ZEB1: variants seen among roughly 807,000 people sequenced by gnomAD.
ZEB1 encodes the protein zinc finger E-box binding homeobox 1.
A neutral mutation model predicts 84.9 loss-of-function variants in ZEB1; 21 were observed. The ratio of observed to expected loss-of-function variants is 0.25; its 90% CI spans 0.18 to 0.36. The LOEUF (loss-of-function observed/expected upper bound fraction) is 0.36, where lower values mean the gene tolerates loss of function less well. Ranked by LOEUF, ZEB1 falls within the 10% of genes least tolerant of loss-of-function variation. ZEB1 has a pLI of 1.00. For missense variants in ZEB1, 1,104 were observed against 1,330.2 expected (o/e 0.83, Z 2.65); for synonymous variants, 420 against 471.1 (o/e 0.89, Z 1.41).
chr10:31,474,274 A>C (rs1336632106), intron 2 of ZEB1, among the ~76,000 whole-genome samples: 1 of 151,780 alleles, frequency 6.6e-6, no homozygotes, highest in Non-Finnish European at 1.5e-5. Flanking sequence ...TGAACAGGCA[A>C]CCTACAAAAT....
chr10:31,443,861 C>T (rs999937204), intron 1 of ZEB1, among the ~76,000 whole-genome samples: 12 of 151,072 alleles, frequency 7.9e-5, no homozygotes, highest in South Asian at 4.2e-4. Context: ...TGAATAGTGC[C>T]GCAATAAACA....
Position 31,505,996 on chromosome 10 carries a change from A to G in ZEB1, c.484+3487A>G, listed in dbSNP as rs2068911865. 3.9e-5 allele frequency among the ~76,000 whole-genome samples: 6 copies of G among 151,968 alleles called. No homozygotes were observed. In the South Asian group the frequency reaches 1.2e-3, roughly 31 times the overall value. On this transcript the variant is annotated intron_variant, in intron 4 of 8. Coordinates refer to ENST00000424869, the MANE Select transcript of ZEB1 (RefSeq NM_001174096.2). ...TTAATTTCATTTAAAGAAATTTTAA[A>G]TTTTCCTCCTTATTTCTTCCTTGAC...
At chr10:31,466,352 T>G (rs183094896) in intron 2 of ZEB1, among the ~76,000 whole-genome samples, 1 of 152,218 alleles carries the variant, frequency 6.6e-6, no homozygotes, top group Non-Finnish European at 1.5e-5. Flanking sequence ...CCAGGACAGA[T>G]TATTTGTTAG....
chr10:31,458,917 G>T (rs980005957), intron 1 of ZEB1, among the ~76,000 whole-genome samples: 2 of 152,094 alleles, frequency 1.3e-5, no homozygotes, highest in Non-Finnish European at 2.9e-5. Flanking sequence ...AATTATGATG[G>T]TGTTATGTCC....
At chr10:31,392,781 A>AT (rs1564697682) in intron 1 of ZEB1, among the ~76,000 whole-genome samples, 5 of 151,368 alleles carry the variant, frequency 3.3e-5, no homozygotes, top group African/African-American at 1.2e-4. Flanking sequence ...CATATATATA[A>AT]ATGTAAAATA....
In ZEB1 at chr10:31,521,202, G is replaced by A. The variant is rs1328886562; in HGVS notation, c.1870G>A (p.Asp624Asn). The A allele has an allele frequency of 6.2e-7, 1 of 1,614,054 alleles. No homozygotes were observed. Among genetic ancestry groups the A allele is most frequent in the South Asian group, 1.1e-5 (1 of 91,086 alleles). Reference sequence around the variant, plus strand: ...TGCTGATTCAGTAAACCTACCACTGGATGTAGTAAAAAAGTGGTTTGAAAA... The same window carrying A: ...TGCTGATTCAGTAAACCTACCACTGAATGTAGTAAAAAAGTGGTTTGAAAA... ...KIADSVNLPL[D>N]VVKKWFEKMQ... The change falls in exon 7 of 9, where the codon GAT becomes AAT. Residue 624 changes from aspartate to asparagine, a missense_variant. Physicochemically the swap from Asp to Asn is conservative, Grantham distance 23. Around this residue, in one of 7 missense-constraint regions of ZEB1, gnomAD observed 531 missense variants for 575.2 expected, o/e 0.92. Coordinates refer to ENST00000424869, the MANE Select transcript of ZEB1 (RefSeq NM_001174096.2).
chr10:31,484,151 C>T (rs901428197), intron 2 of ZEB1, among the ~76,000 whole-genome samples: 2 of 151,986 alleles, frequency 1.3e-5, no homozygotes, highest in African/African-American at 4.8e-5. Flanking sequence ...TCGTGATTAA[C>T]TGGCCCACCC....
At chr10:31,400,837 ATAAT>A (rs1372658776) in intron 1 of ZEB1, among the ~76,000 whole-genome samples, 11 of 152,228 alleles carry the variant, frequency 7.2e-5, no homozygotes, top group Admixed American at 2.6e-4. Context: ...AAGCTACCAA[ATAAT>A]TAGTTTCAAA....
intron 3 of ZEB1, among the ~76,000 whole-genome samples, chr10:31,500,143 AT>A (rs1189771615): frequency 6.6e-6 from 1 of 152,140 alleles, no homozygotes; most frequent in East Asian, 1.9e-4. Context: ...AATTTTAACT[AT>A]CTTAGCAACT....
chr10:31,504,691 T>G (rs551640633), intron 4 of ZEB1, among the ~76,000 whole-genome samples: 1 of 152,084 alleles, frequency 6.6e-6, no homozygotes, highest in Non-Finnish European at 1.5e-5. Flanking sequence ...AATTTATCCC[T>G]AGGTATTTTA....
chr10:31,480,877 T>TTATTACTGTTG (rs2138442627), intron 2 of ZEB1, among the ~76,000 whole-genome samples: 1 of 152,232 alleles, frequency 6.6e-6, no homozygotes, highest in South Asian at 2.1e-4. Context: ...CATAATAGTT[T>TTATTACTGTTG]TATTACTGTT....
chr10:31,438,964 A>T (rs1036142195), intron 1 of ZEB1, among the ~76,000 whole-genome samples: 1 of 152,250 alleles, frequency 6.6e-6, no homozygotes, highest in Non-Finnish European at 1.5e-5. Context: ...GCCACTAGCA[A>T]CATTATGCTG....
At chr10:31,343,387 TTC>T (rs2039740086) in intron 1 of ZEB1, among the ~76,000 whole-genome samples, 1 of 152,178 alleles carries the variant, frequency 6.6e-6, no homozygotes, top group African/African-American at 2.4e-5. Flanking sequence ...TCCTGAACGT[TTC>T]TCTTCAGAGA....
intron 1 of ZEB1, among the ~76,000 whole-genome samples, chr10:31,337,796 T>G (rs1172360521): frequency 2.0e-5 from 3 of 149,486 alleles, no homozygotes; most frequent in Non-Finnish European, 3.0e-5. Flanking sequence ...GCGATTCTCC[T>G]GCCTCAGCCT....
At chr10:31,460,651 G>T (rs1169759117) in intron 1 of ZEB1, among the ~76,000 whole-genome samples, 1 of 152,082 alleles carries the variant, frequency 6.6e-6, no homozygotes, top group Non-Finnish European at 1.5e-5. Flanking sequence ...TCCTGGCTCT[G>T]CCACTTCCTA....
At chr10:31,375,046 T>TACACACACACACACACACACACACACAC (rs146271736) in intron 1 of ZEB1, 1 of 132,314 alleles carries the variant, frequency 7.6e-6, no homozygotes, top group African/African-American at 2.7e-5. Context: ...ATGTTTTTCA[T>TACACACACACACACACACACACACACAC]ACACACACAC....
rs1175932450 is a variant in ZEB1, at chr10:31,529,410, C to T, written c.*2146C>T. The T allele has an allele frequency of 6.6e-6, 1 of 152,256 alleles. No homozygotes were observed. The highest frequency in any genetic ancestry group is 1.9e-4 in the East Asian group (1 of 5,202). The allele number at this position is 152,256 out of a possible 1,614,324, so 9.4% of individuals were successfully genotyped here. On this transcript the variant is annotated 3_prime_UTR_variant, in exon 9 of 9. Coordinates refer to ENST00000424869, the MANE Select transcript of ZEB1 (RefSeq NM_001174096.2). Reference sequence around the variant, plus strand: ...AAAACCTCTTCACAGGTTGCTCCTTCTTCCTGAAATCCTTAATCCTCCGCA... The same window carrying T: ...AAAACCTCTTCACAGGTTGCTCCTTTTTCCTGAAATCCTTAATCCTCCGCA...
chr10:31,387,191 G>C (rs1334299542), intron 1 of ZEB1: 3 of 985,870 alleles, frequency 3.0e-6, no homozygotes, highest in Non-Finnish European at 3.6e-6. Flanking sequence ...AAGATCTGCA[G>C]ATCTTTTTCA....
At chr10:31,504,468 T>G (rs1312886328) in intron 4 of ZEB1, among the ~76,000 whole-genome samples, 3 of 152,070 alleles carry the variant, frequency 2.0e-5, no homozygotes, top group Non-Finnish European at 4.4e-5. Flanking sequence ...AGTTTTAGGA[T>G]TGTTTTTTCT....
Sources: gnomAD v4.1 joint callset for allele counts (sites outside exome capture counted in the v4.1 genomes callset) on GRCh38, gnomAD v4.1.1 for gene constraint, gnomAD v4.1.1 regional missense constraint, MANE v1.5 for transcripts, NCBI Gene and HGNC (gene_info 2026-07-23, HGNC 2026-07-21) for gene names.